KRTAP15-1: variants seen among roughly 807,000 people sequenced by gnomAD.
The protein encoded by KRTAP15-1 is keratin-associated protein 15-1.
For synonymous variants in KRTAP15-1, 65 were observed against 59.6 expected, an observed-to-expected ratio of 1.09 and a Z score of -0.42; for missense variants, 181 against 156.8, an observed-to-expected ratio of 1.15 and a Z score of -0.83.
chr21:30,440,703 A>T lies in KRTAP15-1; in HGVS notation c.376A>T (p.Thr126Ser). ...DCGSSFYHPT[T>S]FSSRNFQATC... Reference sequence around the variant, plus strand: ...TGGGTCCAGCTTCTACCACCCAACTACCTTTTCATCCAGGAATTTCCAGGC... The same window carrying T: ...TGGGTCCAGCTTCTACCACCCAACTTCCTTTTCATCCAGGAATTTCCAGGC... Residue 126 changes from threonine (T) to serine (S), a missense_variant, in exon 1 of 1, where the codon ACC (threonine) becomes TCC (serine). Coordinates refer to ENST00000334067, the MANE Select transcript of KRTAP15-1 (RefSeq NM_181623.3). 3 of 1,613,444 alleles carry T rather than the reference A, an allele frequency of 1.9e-6. No homozygotes were observed. The South Asian group carries it at 3.3e-5, about 18-fold the overall frequency.
At position 30,440,434 on chromosome 21, in the gene KRTAP15-1, A is replaced by T. The variant is rs543623097; in HGVS notation, c.107A>T (p.Tyr36Phe). ...TTGTTCTACCCCAGCAATGCCATCT[A>T]TTCTCCAAATACCTGCCAACTGGGC... ...YNLFYPSNAI[Y>F]SPNTCQLGSS... is the part of the protein sequence containing the mutation. The change falls in exon 1 of 1, where the codon TAT becomes TTT. Residue 36 changes from tyrosine (Y) to phenylalanine (F), a missense_variant. Coordinates refer to ENST00000334067, the MANE Select transcript of KRTAP15-1 (RefSeq NM_181623.3). 7.4e-6 allele frequency: 12 copies of T among 1,614,006 alleles called. No homozygotes were observed. The African/African-American group carries it at 1.6e-4, about 22-fold the overall frequency.
Position 30,440,456 on chromosome 21 carries a change from G to C in KRTAP15-1, c.129G>C (p.Leu43=). 6.2e-7 allele frequency: 1 copy of C among 1,614,132 alleles called. No individual in the cohort carries two copies. The highest frequency in any genetic ancestry group is 8.5e-7 in the Non-Finnish European group (1 of 1,180,008). ...NAIYSPNTCQ[L]GSSLYNGCQE... ...TCTATTCTCCAAATACCTGCCAACTGGGCTCCTCTCTCTACAATGGCTGTC... is the reference window on the plus strand; with the variant it reads ...TCTATTCTCCAAATACCTGCCAACTCGGCTCCTCTCTCTACAATGGCTGTC... The change falls in exon 1 of 1, where the codon CTG becomes CTC. Residue 43 remains leucine (L), a synonymous_variant. Transcript: ENST00000334067.
At chr21:30,440,602 TA>T in the KRTAP15-1 span, 1 of 1,614,164 alleles carries the variant, frequency 6.2e-7, no homozygotes, top group Non-Finnish European at 8.5e-7. Context: ...ACTAACTACA[TA>T]AGATCCCTTG....
At position 30,440,442 on chromosome 21, in the gene KRTAP15-1, A is replaced by G. The variant is rs375537019; in HGVS notation, c.115A>G (p.Asn39Asp). Reference sequence around the variant, plus strand: ...CCCCAGCAATGCCATCTATTCTCCAAATACCTGCCAACTGGGCTCCTCTCT... The same window carrying G: ...CCCCAGCAATGCCATCTATTCTCCAGATACCTGCCAACTGGGCTCCTCTCT... Reference protein sequence around the residue: ...FYPSNAIYSPNTCQLGSSLYN... With the variant: ...FYPSNAIYSPDTCQLGSSLYN... The change falls in exon 1 of 1, where the codon AAT becomes GAT. Residue 39 changes from asparagine to aspartate, a missense_variant. Asn to Asp is a conservative substitution (Grantham distance 23). Coordinates refer to ENST00000334067, the MANE Select transcript of KRTAP15-1 (RefSeq NM_181623.3). 3.7e-6 allele frequency: 6 copies of G among 1,613,966 alleles called. No individual in the cohort carries two copies. Among genetic ancestry groups the G allele is most frequent in the Non-Finnish European group, 3.4e-6 (4 of 1,179,990 alleles).
In KRTAP15-1 at chr21:30,440,851, T is replaced by G. The variant is rs918606391; in HGVS notation, c.*110T>G. The G allele has an allele frequency of 7.8e-5, 84 of 1,073,374 alleles. No individual in the cohort carries two copies. In the African/African-American group the frequency reaches 1.3e-3, roughly 16 times the overall value. 66.5% of individuals were successfully genotyped at this position (1,073,374 alleles called of 1,614,324 possible). ...CAACACTCAGCCTGTCCAATATCTGTGATTGTTGACCATCTACATCAGTAG... is the reference window on the plus strand; with the variant it reads ...CAACACTCAGCCTGTCCAATATCTGGGATTGTTGACCATCTACATCAGTAG... On this transcript the variant is annotated 3_prime_UTR_variant, in exon 1 of 1. Transcript: ENST00000334067.
At position 30,440,821 on chromosome 21, in the gene KRTAP15-1, A is replaced by T; in HGVS notation, c.*80A>T. The T allele has an allele frequency of 1.5e-6, 2 of 1,328,214 alleles. No individual in the cohort carries two copies. The highest frequency in any genetic ancestry group is 2.1e-6 in the Non-Finnish European group (2 of 954,916). The allele number at this position is 1,328,214 out of a possible 1,614,324, so 82.3% of individuals were successfully genotyped here. On this transcript the variant is annotated 3_prime_UTR_variant, in exon 1 of 1. Transcript: ENST00000334067. ...TCATGATTATTTCTGTACTCTATGG[A>T]ACTGCAACACTCAGCCTGTCCAATA...
At chr21:30,440,394 GT>G in the KRTAP15-1 span, 1 of 1,614,048 alleles carries the variant, frequency 6.2e-7, no homozygotes, top group South Asian at 1.1e-5. Context: ...GAGGTATCCA[GT>G]TTCCACTTAT....
chr21:30,440,547 TC>T, the KRTAP15-1 span: 1 of 1,614,170 alleles, frequency 6.2e-7, no homozygotes, highest in Non-Finnish European at 8.5e-7. Flanking sequence ...CTATCAGACA[TC>T]CTGTTACTGC....
Position 30,440,284 on chromosome 21 carries a change from A to G in KRTAP15-1, c.-44A>G, listed in dbSNP as rs770282044. On this transcript the variant is annotated 5_prime_UTR_variant, in exon 1 of 1. Transcript: ENST00000334067. ...TATAGAAGGTAACATTCACACACACACGCTCCTCACTGCAAATCACCTGAG... is the reference window on the plus strand; with the variant it reads ...TATAGAAGGTAACATTCACACACACGCGCTCCTCACTGCAAATCACCTGAG... 4.0e-6 allele frequency: 6 copies of G among 1,514,706 alleles called. No homozygotes were observed. The highest frequency in any genetic ancestry group is 1.3e-5 in the South Asian group (1 of 79,700). The allele number at this position is 1,514,706 out of a possible 1,614,324, so 93.8% of individuals were successfully genotyped here.
rs565558828 is a variant in KRTAP15-1, at chr21:30,440,758, G to C, written c.*17G>C. 1 of 1,593,272 alleles carries C rather than the reference G, an allele frequency of 6.3e-7. No homozygotes were observed. The highest frequency in any genetic ancestry group is 8.5e-7 in the Non-Finnish European group (1 of 1,170,292). ...TGTTACTAACCAGCCTTTGGGTCTC[G>C]CCTTTTTGGATCATCTTACTGAATA... On this transcript the variant is annotated 3_prime_UTR_variant, in exon 1 of 1. Coordinates refer to ENST00000334067, the MANE Select transcript of KRTAP15-1 (RefSeq NM_181623.3).
At position 30,440,484 on chromosome 21, in the gene KRTAP15-1, G is replaced by C. The variant is rs1299087910; in HGVS notation, c.157G>C (p.Glu53Gln). Reference protein sequence around the residue: ...LGSSLYNGCQETYCEPTSCQT... With the variant: ...LGSSLYNGCQQTYCEPTSCQT... ...CTCCTCTCTCTACAATGGCTGTCAG[G>C]AGACCTACTGTGAGCCCACCAGCTG... The change falls in exon 1 of 1, where the codon GAG (glutamate) becomes CAG (glutamine). Residue 53 changes from glutamate (E) to glutamine (Q), a missense_variant. Transcript: ENST00000334067. 6.8e-6 allele frequency: 11 copies of C among 1,614,002 alleles called. No individual in the cohort carries two copies. The Admixed American group carries it at 1.7e-4, about 24-fold the overall frequency.
At position 30,440,548 on chromosome 21, in the gene KRTAP15-1, C is replaced by A; in HGVS notation, c.221C>A (p.Ser74Tyr). ...SCTLARSYQTSCYCPKNSIFC... is the reference protein window; with the variant it reads ...SCTLARSYQTYCYCPKNSIFC... ...ACTTTGGCCAGATCCTATCAGACAT[C>A]CTGTTACTGCCCAAAGAATTCCATC... Residue 74 changes from serine (S) to tyrosine (Y), a missense_variant, in exon 1 of 1, where the codon TCC becomes TAC. By Grantham distance (144) the Ser-to-Tyr change is moderately radical. Coordinates refer to ENST00000334067, the MANE Select transcript of KRTAP15-1 (RefSeq NM_181623.3). 2 of 1,614,174 alleles carry A rather than the reference C, an allele frequency of 1.2e-6. No individual in the cohort carries two copies. Among genetic ancestry groups the A allele is most frequent in the Non-Finnish European group, 1.7e-6 (2 of 1,180,006 alleles).
chr21:30,440,410 T>C lies in KRTAP15-1; in HGVS notation c.83T>C (p.Leu28Ser), dbSNP rs1033680596. Reference protein sequence around the residue: ...YLRYPVSTYNLFYPSNAIYSP... With the variant: ...YLRYPVSTYNSFYPSNAIYSP... ...AGGTATCCAGTTTCCACTTATAATTTGTTCTACCCCAGCAATGCCATCTAT... is the reference window on the plus strand; with the variant it reads ...AGGTATCCAGTTTCCACTTATAATTCGTTCTACCCCAGCAATGCCATCTAT... Residue 28 changes from leucine (L) to serine (S), a missense_variant, in exon 1 of 1, where the codon TTG becomes TCG. Leu to Ser is a moderately radical substitution (Grantham distance 145). Transcript: ENST00000334067. 3 of 1,613,968 alleles carry C rather than the reference T, an allele frequency of 1.9e-6. No homozygotes were observed. The highest frequency in any genetic ancestry group is 3.3e-5 in the Admixed American group (2 of 59,998).
Position 30,440,713 on chromosome 21 carries a change from C to G in KRTAP15-1, c.386C>G (p.Ser129Cys), listed in dbSNP as rs777608366. 1 of 1,612,980 alleles carries G rather than the reference C, an allele frequency of 6.2e-7. No homozygotes were observed. The highest frequency in any genetic ancestry group is 8.5e-7 in the Non-Finnish European group (1 of 1,179,446). ...TTCTACCACCCAACTACCTTTTCATCCAGGAATTTCCAGGCAACTTGTTAC... is the reference window on the plus strand; with the variant it reads ...TTCTACCACCCAACTACCTTTTCATGCAGGAATTTCCAGGCAACTTGTTAC... ...SSFYHPTTFSSRNFQATCY is the reference protein window; with the variant it reads ...SSFYHPTTFSCRNFQATCY The change falls in exon 1 of 1, where the codon TCC (serine) becomes TGC (cysteine). Residue 129 changes from serine (S) to cysteine (C), a missense_variant. Ser to Cys is a moderately radical substitution (Grantham distance 112). Transcript: ENST00000334067.
chr21:30,440,327 C>T lies in KRTAP15-1; in HGVS notation c.-1C>T, dbSNP rs1408688895. 1.3e-6 allele frequency: 2 copies of T among 1,595,586 alleles called. No individual in the cohort carries two copies. Among genetic ancestry groups the T allele is most frequent in the African/African-American group, 2.7e-5 (2 of 74,626 alleles). On this transcript the variant is annotated 5_prime_UTR_variant, in exon 1 of 1. Transcript: ENST00000334067. Reference sequence around the variant, plus strand: ...CACCTGAGCTCAGAACTCCTGTTAACATGTCTTACAACTGCAGCTCTGGAA... The same window carrying T: ...CACCTGAGCTCAGAACTCCTGTTAATATGTCTTACAACTGCAGCTCTGGAA...
rs747960996 is a variant in KRTAP15-1 at position 30,440,869 on chromosome 21, A to G, written c.*128A>G. 8.9e-6 allele frequency: 8 copies of G among 898,812 alleles called. No individual in the cohort carries two copies. The highest frequency in any genetic ancestry group is 1.4e-5 in the Non-Finnish European group (8 of 573,158). The allele number at this position is 898,812 out of a possible 1,614,324, so 55.7% of individuals were successfully genotyped here. On this transcript the variant is annotated 3_prime_UTR_variant, in exon 1 of 1. Transcript: ENST00000334067. ...ATATCTGTGATTGTTGACCATCTAC[A>G]TCAGTAGGACTCAGCATCCTAGCCC...
In KRTAP15-1 at chr21:30,440,569, C is replaced by T. The variant is rs1327014536; in HGVS notation, c.242C>T (p.Ser81Phe). 6.2e-7 allele frequency: 1 copy of T among 1,614,166 alleles called. No individual in the cohort carries two copies. The highest frequency in any genetic ancestry group is 8.5e-7 in the Non-Finnish European group (1 of 1,180,038). The change falls in exon 1 of 1, where the codon TCC (serine) becomes TTC (phenylalanine). Residue 81 changes from serine to phenylalanine, a missense_variant. Coordinates refer to ENST00000334067, the MANE Select transcript of KRTAP15-1 (RefSeq NM_181623.3). ...YQTSCYCPKN[S>F]IFCSPRQTNY... ...ACATCCTGTTACTGCCCAAAGAATT[C>T]CATCTTCTGCAGTCCCCGCCAGACT...
Position 30,440,464 on chromosome 21 carries a change from C to G in KRTAP15-1, c.137C>G (p.Ser46Cys). The change falls in exon 1 of 1, where the codon TCT (serine) becomes TGT (cysteine). Residue 46 changes from serine to cysteine, a missense_variant. Ser to Cys is a moderately radical substitution (Grantham distance 112). Coordinates refer to ENST00000334067, the MANE Select transcript of KRTAP15-1 (RefSeq NM_181623.3). Reference sequence around the variant, plus strand: ...CCAAATACCTGCCAACTGGGCTCCTCTCTCTACAATGGCTGTCAGGAGACC... The same window carrying G: ...CCAAATACCTGCCAACTGGGCTCCTGTCTCTACAATGGCTGTCAGGAGACC... Reference protein sequence around the residue: ...YSPNTCQLGSSLYNGCQETYC... With the variant: ...YSPNTCQLGSCLYNGCQETYC... The G allele has an allele frequency of 1.9e-6, 3 of 1,614,220 alleles. No individual in the cohort carries two copies. The highest frequency in any genetic ancestry group is 1.6e-4 in the Middle Eastern group (1 of 6,062).
Position 30,440,816 on chromosome 21 carries a change from T to A in KRTAP15-1, c.*75T>A. The stretch of plus-strand genomic sequence containing the variant: ...TTCTCTCATGATTATTTCTGTACTC[T>A]ATGGAACTGCAACACTCAGCCTGTC... On this transcript the variant is annotated 3_prime_UTR_variant, in exon 1 of 1. Coordinates refer to ENST00000334067, the MANE Select transcript of KRTAP15-1 (RefSeq NM_181623.3). 1 of 1,382,152 alleles carries A rather than the reference T, an allele frequency of 7.2e-7. No individual in the cohort carries two copies. The highest frequency in any genetic ancestry group is 1.4e-5 in the African/African-American group (1 of 69,232). The allele number at this position is 1,382,152 out of a possible 1,614,324, so 85.6% of individuals were successfully genotyped here.
Sources: gnomAD v4.1 joint callset for allele counts on GRCh38, gnomAD v4.1.1 for gene constraint, MANE v1.5 for transcripts, NCBI Gene and HGNC (gene_info 2026-07-23, HGNC 2026-07-21) for gene names.